Variants in DENND1B observed in about 807,000 individuals in gnomAD.
DENND1B encodes the protein DENN domain containing 1B, also known as DENN domain-containing protein 1B.
In DENND1B, 59 loss-of-function variants were observed where a neutral mutation model predicts 90.1. That is an observed-to-expected ratio of 0.65 (90% CI 0.53 to 0.81). The LOEUF (loss-of-function observed/expected upper bound fraction) is 0.81, where lower values mean the gene tolerates loss of function less well. Among genes scored for constraint, DENND1B ranks in the 40% least tolerant of loss-of-function variants. DENND1B has a pLI of 0.00. For missense variants in DENND1B, 862 were observed against 912.6 expected, an observed-to-expected ratio of 0.94 and a Z score of 0.71; for synonymous variants, 337 against 324.6, an observed-to-expected ratio of 1.04 and a Z score of -0.41.
At chr1:197,674,990 G>A (rs535439912) in intron 3 of DENND1B, among the ~76,000 whole-genome samples, 1 of 151,772 alleles carries the variant, frequency 6.6e-6, no homozygotes. Flanking sequence ...TCAGCTACTT[G>A]GCAAACAAAG....
At chr1:197,655,692 C>T (rs1041799565) in intron 6 of DENND1B, among the ~76,000 whole-genome samples, 1 of 152,066 alleles carries the variant, frequency 6.6e-6, no homozygotes, top group Non-Finnish European at 1.5e-5. Flanking sequence ...CCACCACACC[C>T]GGCTAATTTT....
intron 16 of DENND1B, among the ~76,000 whole-genome samples, chr1:197,550,483 T>G (rs952545290): frequency 6.6e-6 from 1 of 151,958 alleles, no homozygotes; most frequent in Non-Finnish European, 1.5e-5. Context: ...TATGCAGCCA[T>G]AAAAAATGAT....
chr1:197,585,930 A>G (rs1401599534), intron 14 of DENND1B, among the ~76,000 whole-genome samples: 2 of 152,190 alleles, frequency 1.3e-5, no homozygotes, highest in Non-Finnish European at 2.9e-5. Context: ...AATTCTGCCT[A>G]TGATTTTAAC....
chr1:197,673,601 A>T (rs1397491025), intron 4 of DENND1B, among the ~76,000 whole-genome samples: 1 of 152,132 alleles, frequency 6.6e-6, no homozygotes, highest in Non-Finnish European at 1.5e-5. Flanking sequence ...GTATTTGTTC[A>T]GTGAAATATA....
At position 197,510,127 on chromosome 1, in the gene DENND1B, T is replaced by C. The variant is rs572882880; in HGVS notation, c.*333A>G. ...CAGTTCATGCTCAACCAGATTAGTATAGTAGCTACTGGTTATGTGCATGGG... is the reference window on the plus strand; with the variant it reads ...CAGTTCATGCTCAACCAGATTAGTACAGTAGCTACTGGTTATGTGCATGGG... On this transcript the variant is annotated 3_prime_UTR_variant, in exon 23 of 23. Transcript: ENST00000620048. The C allele has an allele frequency of 4.1e-5, 10 of 246,676 alleles. No homozygotes were observed. The highest frequency in any genetic ancestry group is 2.5e-4 in the Admixed American group (5 of 19,694). The allele number at this position is 246,676 out of a possible 1,614,324, so 15.3% of individuals were successfully genotyped here. A position where few individuals can be genotyped will look rare whatever the true frequency, so the allele number is the denominator to read the frequency against.
chr1:197,553,213 A>C (rs1039801367), intron 15 of DENND1B, 101 bp from the exon 16 acceptor site: 89 of 861,344 alleles, frequency 1.0e-4, no homozygotes, highest in Non-Finnish European at 8.8e-5. Flanking sequence ...TTACATCAAA[A>C]ACATTAATAA....
At chr1:197,652,888 A>G (rs1279809923) in intron 6 of DENND1B, among the ~76,000 whole-genome samples, 1 of 152,086 alleles carries the variant, frequency 6.6e-6, no homozygotes, top group Non-Finnish European at 1.5e-5. Context: ...GTATAATAAT[A>G]ATGTGCCTTG....
intron 3 of DENND1B, among the ~76,000 whole-genome samples, chr1:197,679,567 T>C (rs956657464): frequency 2.6e-5 from 4 of 151,094 alleles, no homozygotes; most frequent in Non-Finnish European, 5.9e-5. Flanking sequence ...CCCAAACCAA[T>C]AGGATTATAT....
intron 22 of DENND1B, 98 bp downstream of exon 22, chr1:197,511,630 T>C (rs1668034122): frequency 1.3e-5 from 12 of 893,456 alleles, no homozygotes; most frequent in Non-Finnish European, 1.9e-5. Flanking sequence ...TACTTAGAGG[T>C]TAAATGCTTC....
chr1:197,605,883 A>G lies in DENND1B; in HGVS notation c.921+1190T>C, dbSNP rs1483512639. On this transcript the variant is annotated intron_variant, in intron 13 of 22. Coordinates refer to ENST00000620048, the MANE Select transcript of DENND1B (RefSeq NM_001195215.2). ...TTGACTTTAAAATCATATTTTTCCT[A>G]TCATTAGACAGAAGGACAATCAAGG... 6.6e-5 allele frequency: 10 copies of G among 151,114 alleles called. 1 individual carries two copies. The Admixed American group carries it at 6.6e-4, about 10-fold the overall frequency. The allele number at this position is 151,114 out of a possible 1,614,324, so 9.4% of individuals were successfully genotyped here.
chr1:197,724,067 C>T (rs1317969456), intron 2 of DENND1B, among the ~76,000 whole-genome samples: 1 of 152,054 alleles, frequency 6.6e-6, no homozygotes, highest in African/African-American at 2.4e-5. Flanking sequence ...TCAAAGCTTT[C>T]TTGCTTGATA....
intron 5 of DENND1B, among the ~76,000 whole-genome samples, chr1:197,666,537 T>A (rs1654950452): frequency 6.6e-6 from 1 of 152,258 alleles, no homozygotes; most frequent in South Asian, 2.1e-4. Flanking sequence ...TATGTCTATG[T>A]CTTGCTTATG....
intron 11 of DENND1B, among the ~76,000 whole-genome samples, chr1:197,614,752 A>G (rs1677490319): frequency 6.6e-6 from 1 of 150,956 alleles, no homozygotes; most frequent in African/African-American, 2.4e-5. Flanking sequence ...ATTTTTTTAA[A>G]GAAAAAAAAT....
chr1:197,590,395 T>A (rs1675091283), intron 14 of DENND1B, among the ~76,000 whole-genome samples: 3 of 152,172 alleles, frequency 2.0e-5, no homozygotes, highest in Admixed American at 6.5e-5. Context: ...GTACATTAAT[T>A]TTATCTCACA....
chr1:197,735,361 T>C (rs1662543862), intron 2 of DENND1B: 19 of 1,340,896 alleles, frequency 1.4e-5, no homozygotes, highest in Non-Finnish European at 1.8e-5. Context: ...ACCTTGGCTT[T>C]TGGCAATTAA....
At chr1:197,682,257 C>T (rs1656767464) in intron 3 of DENND1B, among the ~76,000 whole-genome samples, 1 of 151,898 alleles carries the variant, frequency 6.6e-6, no homozygotes, top group African/African-American at 2.4e-5. Context: ...TGAGATCACC[C>T]AGTAGAAATG....
chr1:197,766,371 A>G (rs1410463011), intron 2 of DENND1B, among the ~76,000 whole-genome samples: 1 of 152,170 alleles, frequency 6.6e-6, no homozygotes. Flanking sequence ...TGGTAACCAC[A>G]TTTTACTCAG....
At position 197,506,010 on chromosome 1, in the gene DENND1B, T is replaced by A. The variant is rs1485717621; in HGVS notation, c.*4450A>T. ...TTATGATACAACAACACAATATCCA[T>A]AATAATTTTAAATAAACAAAAACAT... On this transcript the variant is annotated 3_prime_UTR_variant, in exon 23 of 23. Coordinates refer to ENST00000620048, the MANE Select transcript of DENND1B (RefSeq NM_001195215.2). The A allele has an allele frequency of 6.6e-6, 1 of 151,624 alleles. No individual in the cohort carries two copies. Among genetic ancestry groups the A allele is most frequent in the Non-Finnish European group, 1.5e-5 (1 of 67,664 alleles). The allele number at this position is 151,624 out of a possible 1,614,324, so 9.4% of individuals were successfully genotyped here.
At chr1:197,581,358 T>C (rs1246510955) in intron 15 of DENND1B, among the ~76,000 whole-genome samples, 1 of 152,226 alleles carries the variant, frequency 6.6e-6, no homozygotes, top group Non-Finnish European at 1.5e-5. Context: ...AGTTCTTTGG[T>C]TGACCATTTT....
Sources: allele counts gnomAD v4.1 joint callset (sites outside exome capture counted in the v4.1 genomes callset), GRCh38; gene constraint gnomAD v4.1.1; transcripts MANE v1.5; gene names NCBI Gene and HGNC (gene_info 2026-07-23, HGNC 2026-07-21).